MLKL: variants seen among roughly 807,000 people sequenced by gnomAD.
MLKL encodes the protein mixed lineage kinase domain-like protein.
Under a neutral mutation model 56.5 loss-of-function variants are expected in MLKL, and 55 were observed. That is an observed-to-expected ratio of 0.97 (90% CI 0.78 to 1.22). The LOEUF (loss-of-function observed/expected upper bound fraction) is 1.22. Among genes scored for constraint, MLKL ranks in the 50% most tolerant of loss-of-function variants. The probability of loss-of-function intolerance (pLI) is 0.00; values close to 1 mark genes in which losing one functional copy is unlikely to be tolerated. For missense variants in MLKL, 694 were observed against 573.9 expected, an observed-to-expected ratio of 1.21 and a Z score of -2.14; for synonymous variants, 251 against 208.3, an observed-to-expected ratio of 1.20 and a Z score of -1.76.
At chr16:74,696,895 T>G (rs1961073763) in intron 1 of MLKL, among the ~76,000 whole-genome samples, 2 of 147,972 alleles carry the variant, frequency 1.4e-5, no homozygotes, top group South Asian at 4.2e-4. Flanking sequence ...GGGGTGGAGG[T>G]TGCACCATCT....
chr16:74,688,111 A>G (rs149660203), intron 4 of MLKL, among the ~76,000 whole-genome samples: 1,949 of 151,970 alleles, frequency 0.013, 15 homozygotes, highest in Non-Finnish European at 0.019. Context: ...GTCGTGAGCC[A>G]CTGCGCCCAG....
At chr16:74,693,113 C>T (rs919747792) in intron 2 of MLKL, among the ~76,000 whole-genome samples, 2 of 152,106 alleles carry the variant, frequency 1.3e-5, no homozygotes, top group African/African-American at 4.8e-5. Context: ...AGTCTTTGAC[C>T]TAGTGATTTT....
chr16:74,675,307 A>C (rs753517406), intron 9 of MLKL, 48 bp downstream of exon 9: 9 of 1,613,482 alleles, frequency 5.6e-6, no homozygotes, highest in Non-Finnish European at 6.8e-6. Context: ...GTCTACTGGA[A>C]GGGGACCCAA....
intron 6 of MLKL, among the ~76,000 whole-genome samples, chr16:74,680,476 A>ATT (rs575288663): frequency 5.4e-5 from 8 of 148,122 alleles, no homozygotes; most frequent in African/African-American, 2.0e-4. Context: ...TGCGTTTGGT[A>ATT]TTTTTTTTTT....
In MLKL at chr16:74,682,654, T is replaced by C; in HGVS notation, c.953A>G (p.Tyr318Cys). 1.2e-6 allele frequency: 2 copies of C among 1,614,012 alleles called. No individual in the cohort carries two copies. The highest frequency in any genetic ancestry group is 1.7e-6 in the Non-Finnish European group (2 of 1,180,000). ...VLVLGAARGLYRLHHSEAPEL... is the reference protein window; with the variant it reads ...VLVLGAARGLCRLHHSEAPEL... ...GCGCCTTTTCACCCCGTCTTACCGG[T>C]ATAGGCCTCGGGCTGCCCCCAGGAC... Residue 318 changes from tyrosine (Y) to cysteine (C), a missense_variant, in exon 6 of 11, where the codon TAC becomes TGC. Physicochemically the swap from Tyr to Cys is radical, Grantham distance 194. Transcript: ENST00000308807.
chr16:74,681,575 T>G (rs1314363031), intron 6 of MLKL, among the ~76,000 whole-genome samples: 1 of 151,256 alleles, frequency 6.6e-6, no homozygotes, highest in Non-Finnish European at 1.5e-5. Flanking sequence ...AGGTGGATCA[T>G]GAGGTCAGGA....
chr16:74,676,447 G>C (rs1237207484), intron 7 of MLKL: 2 of 985,294 alleles, frequency 2.0e-6, no homozygotes, highest in Non-Finnish European at 2.4e-6. Flanking sequence ...GTGAGAAAAG[G>C]GATAAGGCAC....
intron 9 of MLKL, 101 bp downstream of exon 9, chr16:74,675,254 T>A (rs1959514885): frequency 1.9e-6 from 3 of 1,584,578 alleles, no homozygotes; most frequent in Non-Finnish European, 2.6e-6. Context: ...GTTCCCACAT[T>A]AAACAACAAA....
chr16:74,685,906 G>A (rs1220636628), intron 4 of MLKL, among the ~76,000 whole-genome samples: 3 of 151,504 alleles, frequency 2.0e-5, no homozygotes, highest in Non-Finnish European at 2.9e-5. Context: ...ATTTGTTACT[G>A]TTTTTAGGCT....
chr16:74,675,693 T>G lies in MLKL; in HGVS notation c.1110A>C (p.Arg370Ser). The G allele has an allele frequency of 6.3e-7, 1 of 1,596,538 alleles. No individual in the cohort carries two copies. The change falls in exon 8 of 11, where the codon AGA becomes AGC. Residue 370 changes from arginine to serine, a missense_variant. Arg to Ser is a moderately radical substitution (Grantham distance 110, BLOSUM62 -1). Coordinates refer to ENST00000308807, the MANE Select transcript of MLKL (RefSeq NM_152649.4). The part of the protein sequence containing the change: ...SLGTTREKTD[R>S]VKSTAYLSPQ... ...GTGAGAGATATGCTGTAGATTTGAC[T>G]CTGTCTGTCTTTTCTCTCGTAGTTC...
At chr16:74,699,140 G>T (rs1427710926) in intron 1 of MLKL, among the ~76,000 whole-genome samples, 2 of 151,782 alleles carry the variant, frequency 1.3e-5, no homozygotes, top group African/African-American at 4.8e-5. Context: ...CAAAAAAAAA[G>T]AAAGAAAGAA....
intron 10 of MLKL, among the ~76,000 whole-genome samples, chr16:74,673,714 AG>A (rs749002305): frequency 6.6e-6 from 1 of 152,070 alleles, no homozygotes; most frequent in Non-Finnish European, 1.5e-5. Flanking sequence ...ACAAGGAGGG[AG>A]GAAAAAAGGA....
intron 6 of MLKL, among the ~76,000 whole-genome samples, chr16:74,680,270 C>T (rs907700082): frequency 6.6e-6 from 1 of 151,990 alleles, no homozygotes; most frequent in African/African-American, 2.4e-5. Context: ...AACAGTGTCC[C>T]CTACAACATC....
intron 1 of MLKL, among the ~76,000 whole-genome samples, chr16:74,699,956 T>G (rs565528571): frequency 6.6e-6 from 1 of 150,818 alleles, no homozygotes; most frequent in Non-Finnish European, 1.5e-5. Context: ...AATAAATAAA[T>G]AAAAAGAAAA....
rs187552316 is a variant in MLKL, at chr16:74,671,911, G to A, written c.*593C>T. ...TCCTGATTGTGTGAATGGGCAATTT[G>A]GGCTGGGATCTGCTTGAGTGGTTCT... On this transcript the variant is annotated 3_prime_UTR_variant, in exon 11 of 11. Transcript: ENST00000308807. The A allele has an allele frequency of 6.6e-6, 1 of 152,224 alleles. No individual in the cohort carries two copies. The highest frequency in any genetic ancestry group is 2.4e-5 in the African/African-American group (1 of 41,438). The allele number at this position is 152,224 out of a possible 1,614,324, so 9.4% of individuals were successfully genotyped here. A position where few individuals can be genotyped will look rare whatever the true frequency, so the allele number is the denominator to read the frequency against.
At chr16:74,676,951 G>A (rs1266668463) in intron 7 of MLKL, 1 of 152,202 alleles carries the variant, frequency 6.6e-6, no homozygotes, top group African/African-American at 2.4e-5. Context: ...AAAAATGACT[G>A]CTGATTGTTA....
At position 74,682,351 on chromosome 16, in the gene MLKL, C is replaced by T. The variant is rs139596097; in HGVS notation, c.956+300G>A. On this transcript the variant is annotated intron_variant, in intron 6 of 10. Transcript: ENST00000308807. Reference sequence around the variant, plus strand: ...AAAAAATGATTCATTACTTTCCTAACGTTCAAATTTAACTGGATATGTTCA... The same window carrying T: ...AAAAAATGATTCATTACTTTCCTAATGTTCAAATTTAACTGGATATGTTCA... Among the ~76,000 whole-genome samples the T allele has an allele frequency of 1.5e-4, 23 of 152,296 alleles. No homozygotes were observed. In the East Asian group the frequency reaches 3.1e-3, roughly 20 times the overall value.
chr16:74,678,398 C>T (rs1959736540), intron 7 of MLKL: 1 of 159,860 alleles, frequency 6.3e-6, no homozygotes, highest in African/African-American at 2.4e-5. Context: ...GTCATCAGAA[C>T]AGGCGGCATA....
chr16:74,693,570 T>C (rs1290996443), intron 2 of MLKL, among the ~76,000 whole-genome samples: 2 of 151,268 alleles, frequency 1.3e-5, no homozygotes, highest in African/African-American at 4.8e-5. Flanking sequence ...TTGATGCCAC[T>C]GAACTGGCAT....
Sources: allele counts gnomAD v4.1 joint callset (sites outside exome capture counted in the v4.1 genomes callset), GRCh38; gene constraint gnomAD v4.1.1; transcripts MANE v1.5; gene names NCBI Gene and HGNC (gene_info 2026-07-23, HGNC 2026-07-21).